The following GON4L variants were observed in gnomAD, a reference collection of about 807,000 sequenced individuals.
GON4L encodes gon-4 like.
In GON4L, 87 loss-of-function variants were observed where a neutral mutation model predicts 211.8. The observed-to-expected ratio is 0.41, with a 90% CI of 0.35 to 0.49. The LOEUF (loss-of-function observed/expected upper bound fraction) is 0.49, where lower values mean the gene tolerates loss of function less well. Ranked by LOEUF, GON4L falls within the 20% of genes least tolerant of loss-of-function variation. The pLI is 0.15. For missense variants in GON4L, 2,155 were observed against 2,659.5 expected (o/e 0.81, Z 4.17); for synonymous variants, 875 against 962.6 (o/e 0.91, Z 1.68).
At chr1:155,769,002 G>C (rs756800755) in intron 19 of GON4L, among the ~76,000 whole-genome samples, 2 of 152,106 alleles carry the variant, frequency 1.3e-5, no homozygotes, top group Non-Finnish European at 2.9e-5. Flanking sequence ...CTTTGAGACA[G>C]AGACTCCTCT....
intron 10 of GON4L, among the ~76,000 whole-genome samples, chr1:155,810,357 G>A (rs192000136): frequency 9.1e-4 from 138 of 151,872 alleles, no homozygotes; most frequent in African/African-American, 3.3e-3. Flanking sequence ...TAAAATTTTA[G>A]GACAGACATT....
chr1:155,807,730 A>AAAAACC (rs1395575383), intron 10 of GON4L, among the ~76,000 whole-genome samples: 1 of 143,798 alleles, frequency 7.0e-6, no homozygotes, highest in Admixed American at 7.0e-5. Context: ...AAAAAAGAAA[A>AAAAACC]TCAGAAAGTG....
intron 5 of GON4L, 64 bp downstream of exon 5, chr1:155,821,410 C>T (rs2102254223): frequency 9.9e-7 from 1 of 1,012,984 alleles, no homozygotes; most frequent in Non-Finnish European, 1.6e-6. Context: ...TGACCTCCTA[C>T]CCTTAGCCAG....
intron 23 of GON4L, among the ~76,000 whole-genome samples, chr1:155,761,439 C>G (rs1365810110): frequency 7.9e-5 from 12 of 151,776 alleles, no homozygotes; most frequent in Admixed American, 7.9e-4. Context: ...GATCCTCCTA[C>G]CCCAGCCTCC....
chr1:155,798,657 G>A (rs1020153979), intron 11 of GON4L, among the ~76,000 whole-genome samples: 2 of 138,040 alleles, frequency 1.4e-5, no homozygotes, highest in African/African-American at 5.4e-5. Flanking sequence ...CCGACCTCAT[G>A]ATCTGCCTGC....
chr1:155,827,580 G>C (rs563435709), intron 2 of GON4L, among the ~76,000 whole-genome samples: 17 of 152,170 alleles, frequency 1.1e-4, no homozygotes, highest in Admixed American at 5.2e-4. Context: ...AGTTACTTGG[G>C]GGGGCTGAGC....
intron 19 of GON4L, among the ~76,000 whole-genome samples, chr1:155,768,385 C>T (rs1015708925): frequency 1.1e-4 from 16 of 149,472 alleles, no homozygotes; most frequent in African/African-American, 4.0e-4. Context: ...TTGAGGTGGG[C>T]AGATCACGAG....
intron 2 of GON4L, among the ~76,000 whole-genome samples, chr1:155,850,522 G>T (rs1485880588): frequency 6.6e-6 from 1 of 152,174 alleles, no homozygotes; most frequent in African/African-American, 2.4e-5. Flanking sequence ...GCTTCAGGCA[G>T]CTCATGCCAG....
intron 12 of GON4L, among the ~76,000 whole-genome samples, chr1:155,785,664 A>G (rs1193071840): frequency 6.6e-6 from 1 of 152,016 alleles, no homozygotes; most frequent in Non-Finnish European, 1.5e-5. Context: ...TAATTTTTGT[A>G]TATTTTGTAG....
intron 29 of GON4L, among the ~76,000 whole-genome samples, chr1:155,752,946 G>A (rs1382076079): frequency 6.6e-6 from 1 of 152,178 alleles, no homozygotes; most frequent in Admixed American, 6.5e-5. Context: ...TTGGAGACAG[G>A]GGGAAGGGTT....
At chr1:155,817,923 GAA>G (rs749238086) in intron 6 of GON4L, among the ~76,000 whole-genome samples, 14 of 74,192 alleles carry the variant, frequency 1.9e-4, no homozygotes, top group Admixed American at 3.3e-4. Flanking sequence ...GCAAGTCACT[GAA>G]AAAAAAAAAA....
In GON4L at chr1:155,775,115, T is replaced by C. The variant is rs757520762; in HGVS notation, c.2237A>G (p.Lys746Arg). Residue 746 changes from lysine to arginine, a missense_variant, in exon 17 of 32, where the codon AAG (lysine) becomes AGG (arginine). Coordinates refer to ENST00000368331, the MANE Select transcript of GON4L (RefSeq NM_001282860.2). ...SIALHHQYNP[K>R]FQTLFQPCNL... ...ACAGGGTTGGAACAGGGTCTGAAAC[T>C]TGGGGTTGTACTGATGGTGAAGGGC... 2 of 1,614,068 alleles carry C rather than the reference T, an allele frequency of 1.2e-6. No individual in the cohort carries two copies. Among genetic ancestry groups the C allele is most frequent in the Non-Finnish European group, 1.7e-6 (2 of 1,180,000 alleles).
At chr1:155,836,921 C>T (rs1670365708) in intron 2 of GON4L, among the ~76,000 whole-genome samples, 1 of 152,118 alleles carries the variant, frequency 6.6e-6, no homozygotes, top group Admixed American at 6.5e-5. Context: ...TTCCTTTGTG[C>T]TGACTCTGGG....
intron 2 of GON4L, among the ~76,000 whole-genome samples, chr1:155,828,154 T>TCTCA (rs150437588): frequency 3.3e-4 from 49 of 147,256 alleles, no homozygotes; most frequent in African/African-American, 1.1e-3. Flanking sequence ...CAAGACACTG[T>TCTCA]CACACACACA....
At chr1:155,833,067 T>C (rs1669949753) in intron 2 of GON4L, 1 of 152,094 alleles carries the variant, frequency 6.6e-6, no homozygotes, top group Non-Finnish European at 1.5e-5. Context: ...TGCAAAGTAG[T>C]ATAATCAATT....
intron 12 of GON4L, among the ~76,000 whole-genome samples, chr1:155,790,538 A>G (rs866294567): frequency 7.9e-5 from 12 of 151,960 alleles, no homozygotes; most frequent in Non-Finnish European, 1.3e-4. Context: ...CACTACGCCC[A>G]GTTAGTATTA....
chr1:155,792,098 G>T (rs568988795), intron 12 of GON4L, among the ~76,000 whole-genome samples: 1 of 152,212 alleles, frequency 6.6e-6, no homozygotes, highest in South Asian at 2.1e-4. Flanking sequence ...TACACTATCT[G>T]CAGAATTGTT....
At chr1:155,749,555 G>A, downstream of GON4L, 1 of 1,414,036 alleles carries the variant, frequency 7.1e-7, no homozygotes. Context: ...CCTGCAGGGT[G>A]GCTCCTCCTT....
At position 155,840,632 on chromosome 1, in the gene GON4L, T is replaced by G. The variant is rs73002905; in HGVS notation, c.505+12644A>C. On this transcript the variant is annotated intron_variant, in intron 2 of 31. Coordinates refer to ENST00000368331, the MANE Select transcript of GON4L (RefSeq NM_001282860.2). ...TTTTGAGTTACAGGGCTTTGACTCC[T>G]GGGTACAGACAGCTCATCTAGAGAA... Among the ~76,000 whole-genome samples, 853 of 152,292 alleles carry G rather than the reference T, an allele frequency of 5.6e-3. 7 individuals carry two copies. The highest frequency in any genetic ancestry group is 0.019 in the African/African-American group (806 of 41,570).
Sources: gnomAD v4.1 joint callset for allele counts (sites outside exome capture counted in the v4.1 genomes callset) on GRCh38, gnomAD v4.1.1 for gene constraint, MANE v1.5 for transcripts, NCBI Gene and HGNC (gene_info 2026-07-23, HGNC 2026-07-21) for gene names.